PRKN: variants seen among roughly 807,000 people sequenced by gnomAD.
PRKN encodes E3 ubiquitin-protein ligase parkin.
In PRKN, 56 loss-of-function variants were observed where a neutral mutation model predicts 59.5. The observed-to-expected ratio is 0.94, with a 90% CI of 0.76 to 1.18. The LOEUF (loss-of-function observed/expected upper bound fraction) is 1.18, where lower values mean the gene tolerates loss of function less well. PRKN is among the 50% of genes most tolerant of loss of function. The pLI is 0.00. For synonymous variants in PRKN, 250 were observed against 222.1 expected (o/e 1.13, Z -1.12); for missense variants, 657 against 596.4 (o/e 1.10, Z -1.06).
chr6:162,272,913 C>T (rs1363725087), intron 2 of PRKN, among the ~76,000 whole-genome samples: 1 of 148,174 alleles, frequency 6.7e-6, no homozygotes. Flanking sequence ...AGGCAGGATA[C>T]TCGTTTGAGC....
intron 5 of PRKN, among the ~76,000 whole-genome samples, chr6:162,011,872 C>G (rs9458434): frequency 6.7e-6 from 1 of 149,842 alleles, no homozygotes; most frequent in East Asian, 1.9e-4. Context: ...GTTTTATTGA[C>G]TAGGAAAATT....
At chr6:162,284,871 T>C (rs1251239227) in intron 2 of PRKN, among the ~76,000 whole-genome samples, 3 of 152,170 alleles carry the variant, frequency 2.0e-5, no homozygotes, top group Non-Finnish European at 4.4e-5. Context: ...AAGTCATACA[T>C]TGAATTCCAA....
intron 5 of PRKN, among the ~76,000 whole-genome samples, chr6:162,033,613 T>C (rs1783723717): frequency 1.3e-5 from 2 of 152,210 alleles, no homozygotes; most frequent in South Asian, 4.1e-4. Flanking sequence ...AGAGGTAGAA[T>C]GGAAAGCCAG....
intron 3 of PRKN, among the ~76,000 whole-genome samples, chr6:162,243,070 T>C (rs1186634400): frequency 6.6e-6 from 1 of 152,068 alleles, no homozygotes; most frequent in East Asian, 1.9e-4. Context: ...AGAACAGCAC[T>C]GTTCTCATCA....
At chr6:162,040,614 T>G in intron 5 of PRKN, among the ~76,000 whole-genome samples, 1 of 138,732 alleles carries the variant, frequency 7.2e-6, no homozygotes, top group East Asian at 2.3e-4. Context: ...AGAGACGGGG[T>G]TTCACCATGT....
chr6:162,690,897 TG>T (rs367891077), intron 1 of PRKN, among the ~76,000 whole-genome samples: 1 of 152,130 alleles, frequency 6.6e-6, no homozygotes, highest in African/African-American at 2.4e-5. Context: ...AAATTTTAAA[TG>T]CTACAGATTC....
intron 1 of PRKN, among the ~76,000 whole-genome samples, chr6:162,578,846 C>T (rs1780666501): frequency 6.6e-6 from 1 of 152,128 alleles, no homozygotes; most frequent in East Asian, 1.9e-4. Context: ...TTAAGTCTAA[C>T]TTATGTCATA....
chr6:161,472,083 G>C (rs560548103), intron 9 of PRKN, among the ~76,000 whole-genome samples: 33 of 152,170 alleles, frequency 2.2e-4, no homozygotes, highest in Middle Eastern at 6.8e-3. Flanking sequence ...TTTGGACCAG[G>C]GTGTTTTGTA....
chr6:162,070,078 C>A (rs961825530), intron 4 of PRKN, among the ~76,000 whole-genome samples: 1 of 152,166 alleles, frequency 6.6e-6, no homozygotes, highest in Non-Finnish European at 1.5e-5. Context: ...TCTGTTAATG[C>A]TGTGTTCTAT....
intron 1 of PRKN, among the ~76,000 whole-genome samples, chr6:162,647,975 A>AAAAAAAAAT: frequency 7.0e-6 from 1 of 142,684 alleles, no homozygotes; most frequent in African/African-American, 2.5e-5. Context: ...AAAAAAAAAA[A>AAAAAAAAAT]AAGTCTACGG....
chr6:162,468,158 G>C (rs543886531), intron 1 of PRKN, among the ~76,000 whole-genome samples: 42 of 152,256 alleles, frequency 2.8e-4, no homozygotes, highest in African/African-American at 1.0e-3. Context: ...AATAAAATAC[G>C]TGGAACATGG....
chr6:161,567,167 C>T (rs1241467327), intron 8 of PRKN, among the ~76,000 whole-genome samples: 1 of 151,744 alleles, frequency 6.6e-6, no homozygotes, highest in Admixed American at 6.6e-5. Flanking sequence ...GCCTCCAGAG[C>T]AGCTGGGATT....
chr6:161,788,654 T>TAAGGTCTGACACATAGAGGTATGGTC (rs369886471), intron 6 of PRKN, among the ~76,000 whole-genome samples: 8,192 of 152,180 alleles, frequency 0.054, 707 homozygotes, highest in African/African-American at 0.18. Context: ...GTGAAGGGAC[T>TAAGGTCTGACACATAGAGGTATGGTC]AGCATTGGAA....
At chr6:162,613,062 G>C (rs1782260968) in intron 1 of PRKN, among the ~76,000 whole-genome samples, 1 of 152,088 alleles carries the variant, frequency 6.6e-6, no homozygotes, top group South Asian at 2.1e-4. Context: ...GCCTATGAGG[G>C]AGATACTATC....
chr6:162,571,001 G>C (rs1429166503), intron 1 of PRKN, among the ~76,000 whole-genome samples: 5 of 152,164 alleles, frequency 3.3e-5, no homozygotes, highest in African/African-American at 4.8e-5. Flanking sequence ...TTTCCATGTT[G>C]TGATTATTTC....
chr6:162,485,563 A>G (rs1893114), intron 1 of PRKN, among the ~76,000 whole-genome samples: 82,495 of 152,034 alleles, frequency 0.54, 22,799 homozygotes, highest in African/African-American at 0.65. Flanking sequence ...CCACCTGCAC[A>G]CTGGTATTTA....
chr6:162,336,412 T>C (rs1032693882), intron 2 of PRKN, among the ~76,000 whole-genome samples: 2 of 152,268 alleles, frequency 1.3e-5, no homozygotes, highest in South Asian at 2.1e-4. Flanking sequence ...ATCCACACTT[T>C]ACAATTTTAA....
chr6:162,076,995 C>G (rs556905905), intron 4 of PRKN, among the ~76,000 whole-genome samples: 1 of 152,216 alleles, frequency 6.6e-6, no homozygotes, highest in Non-Finnish European at 1.5e-5. Context: ...ACAACGCCGT[C>G]CACACACTCT....
intron 7 of PRKN, among the ~76,000 whole-genome samples, chr6:161,737,371 C>A (rs916649037): frequency 2.0e-5 from 3 of 152,240 alleles, no homozygotes; most frequent in East Asian, 1.9e-4. Flanking sequence ...AGGGACAGAA[C>A]ATGAATGAAG....
Sources: allele counts gnomAD v4.1 joint callset (sites outside exome capture counted in the v4.1 genomes callset), GRCh38; gene constraint gnomAD v4.1.1; transcripts MANE v1.5; gene names NCBI Gene and HGNC (gene_info 2026-07-23, HGNC 2026-07-21).